The following CXorf66 variants were observed in gnomAD, a reference collection of about 807,000 sequenced individuals.
CXorf66 encodes the protein chromosome X open reading frame 66, also known as uncharacterized protein CXorf66.
A neutral mutation model predicts 5.0 loss-of-function variants in CXorf66; 6 were observed. The observed-to-expected ratio is 1.20, with a 90% CI of 0.65 to 2.36. The LOEUF (loss-of-function observed/expected upper bound fraction) is 2.36, where lower values mean the gene tolerates loss of function less well. Ranked by LOEUF, CXorf66 falls within the 30% of genes most tolerant of loss-of-function variation. The probability of loss-of-function intolerance (pLI) is 0.00; values close to 1 mark genes in which losing one functional copy is unlikely to be tolerated. For missense variants in CXorf66, 270 were observed against 254.9 expected (o/e 1.06, Z -0.40); for synonymous variants, 98 against 102.8 (o/e 0.95, Z 0.28).
intron 1 of CXorf66, 76 bp downstream of exon 1, chrX:139,965,333 C>T (rs752941856): frequency 1.5e-6 from 1 of 680,964 alleles, no homozygotes. Flanking sequence ...TTAAATACAG[C>T]TGGCGTTTCT....
In CXorf66 at chrX:139,958,083, C is replaced by A; in HGVS notation, c.223G>T (p.Asp75Tyr). ...ACTTACATTCCTGCTTTGGACGCAT[C>A]ATCGCTCAGACAATTATAATGGAGA... ...CYLHYNCLSD[D>Y]ASKAGMVKKK... Residue 75 changes from aspartate to tyrosine, a missense_variant, in exon 2 of 3, where the codon GAT becomes TAT. By Grantham distance (160) the Asp-to-Tyr change is radical. Transcript: ENST00000370540. 8.3e-7 allele frequency: 1 copy of A among 1,202,061 alleles called. No homozygotes were observed. Among genetic ancestry groups the A allele is most frequent in the South Asian group, 1.8e-5 (1 of 54,521 alleles).
intron 1 of CXorf66, among the ~76,000 whole-genome samples, chrX:139,960,398 GAACAA>G (rs2148218325): frequency 9.1e-6 from 1 of 109,920 alleles, no homozygotes; most frequent in East Asian, 2.9e-4. Flanking sequence ...AAAACAAAAT[GAACAA>G]AGCCTCCAAG....
intron 1 of CXorf66, among the ~76,000 whole-genome samples, chrX:139,964,307 A>G (rs1000297835): frequency 8.9e-5 from 10 of 112,241 alleles, no homozygotes; most frequent in African/African-American, 3.2e-4. Flanking sequence ...CAAACATATG[A>G]AAAAAAGCTC....
In CXorf66 at chrX:139,956,500, G is replaced by A. The variant is rs1389968579; in HGVS notation, c.482C>T (p.Pro161Leu). The change falls in exon 3 of 3, where the codon CCA becomes CTA. Residue 161 changes from proline (P) to leucine (L), a missense_variant. Transcript: ENST00000370540. ...SAGKLTRPSY[P>L]KRSSKSSCSK... ...GCATGATGACTTGGATGACCTTTTT[G>A]GATATGATGGCCTAGTTAACTTTCC... 1.7e-6 allele frequency: 2 copies of A among 1,211,521 alleles called. No homozygotes were observed. Among genetic ancestry groups the A allele is most frequent in the Admixed American group, 4.4e-5 (2 of 45,960 alleles).
chrX:139,965,363 T>C (rs762687853), intron 1 of CXorf66, 46 bp downstream of exon 1: 1 of 917,190 alleles, frequency 1.1e-6, no homozygotes, highest in Admixed American at 2.3e-5. Flanking sequence ...CTTTAATGTA[T>C]ACTGTAACAG....
chrX:139,962,157 A>G, intron 1 of CXorf66, among the ~76,000 whole-genome samples: 1 of 111,500 alleles, frequency 9.0e-6, no homozygotes, highest in East Asian at 2.8e-4. Context: ...AAACATTAAT[A>G]AAATATATAG....
chrX:139,958,299 C>T, intron 1 of CXorf66, 82 bp from the exon 2 acceptor site: 1 of 650,798 alleles, frequency 1.5e-6, no homozygotes, highest in Non-Finnish European at 2.3e-6. Flanking sequence ...TAGTGTAGAT[C>T]AAAATAACAT....
At chrX:139,961,022 C>T (rs1383269007) in intron 1 of CXorf66, among the ~76,000 whole-genome samples, 1 of 111,701 alleles carries the variant, frequency 9.0e-6, no homozygotes, top group Non-Finnish European at 1.9e-5. Flanking sequence ...ACTGCAACAA[C>T]TAATGTGCAA....
intron 2 of CXorf66, among the ~76,000 whole-genome samples, chrX:139,957,666 T>G (rs2085578976): frequency 9.0e-6 from 1 of 111,683 alleles, no homozygotes; most frequent in Non-Finnish European, 1.9e-5. Context: ...GCAACAACAG[T>G]GAATAATTTT....
At chrX:139,959,080 C>T (rs1422449046) in intron 1 of CXorf66, among the ~76,000 whole-genome samples, 1 of 111,632 alleles carries the variant, frequency 9.0e-6, no homozygotes, top group Non-Finnish European at 1.9e-5. Flanking sequence ...ATTCACTCTC[C>T]TGGAAAGGGG....
rs189426970 is a variant in CXorf66 at position 139,957,730 on chromosome X, G to A, written c.242+334C>T. ...TTATCCAAAATGTTTTATTGTCTTT[G>A]AAAAACAGAGACCCAATTCCCTCTC... On this transcript the variant is annotated intron_variant, in intron 2 of 2. Coordinates refer to ENST00000370540, the MANE Select transcript of CXorf66 (RefSeq NM_001013403.3). Among the ~76,000 whole-genome samples, 93 of 111,452 alleles carry A rather than the reference G, an allele frequency of 8.3e-4. 1 individual carries two copies. Among genetic ancestry groups the A allele is most frequent in the African/African-American group, 2.8e-3 (87 of 30,737 alleles).
chrX:139,955,756 T>A lies in CXorf66; in HGVS notation c.*140A>T. The A allele has an allele frequency of 2.1e-6, 1 of 470,121 alleles. No homozygotes were observed. Among genetic ancestry groups the A allele is most frequent in the Non-Finnish European group, 3.4e-6 (1 of 297,167 alleles). The allele number at this position is 470,121 out of a possible 1,213,427, so 38.7% of individuals were successfully genotyped here. On this transcript the variant is annotated 3_prime_UTR_variant, in exon 3 of 3. Transcript: ENST00000370540. ...ATGTCATGCATTTTATTGATATTTT[T>A]AAAATAAATCGCCTCCAAGACAGAT... is the stretch of plus-strand genomic sequence containing the variant.
rs145104139 is a variant in CXorf66 at position 139,958,008 on chromosome X, G to A, written c.242+56C>T. 6.9e-4 allele frequency: 733 copies of A among 1,060,753 alleles called. 2 individuals are homozygous for A. The African/African-American group carries it at 0.011, about 16-fold the overall frequency. 87.4% of individuals were successfully genotyped at this position (1,060,753 alleles called of 1,213,427 possible). A position where few individuals can be genotyped will look rare whatever the true frequency, so the allele number is the denominator to read the frequency against. On this transcript the variant is annotated intron_variant, in intron 2 of 2. Coordinates refer to ENST00000370540, the MANE Select transcript of CXorf66 (RefSeq NM_001013403.3). ...TAACCTGAACAACAATGAAACCTCCGCTATATGTACACACACACACACCTC... is the reference window on the plus strand; with the variant it reads ...TAACCTGAACAACAATGAAACCTCCACTATATGTACACACACACACACCTC...
intron 1 of CXorf66, among the ~76,000 whole-genome samples, chrX:139,961,900 T>A (rs2085594686): frequency 8.9e-6 from 1 of 111,909 alleles, no homozygotes; most frequent in Non-Finnish European, 1.9e-5. Context: ...CGTACCAGCA[T>A]CTCTGGGACA....
chrX:139,958,074 T>G lies in CXorf66; in HGVS notation c.232A>C (p.Lys78Gln). 8.3e-7 allele frequency: 1 copy of G among 1,200,291 alleles called. No individual in the cohort carries two copies. Among genetic ancestry groups the G allele is most frequent in the Non-Finnish European group, 1.1e-6 (1 of 891,315 alleles). The change falls in exon 2 of 3, where the codon AAA becomes CAA. Residue 78 changes from lysine to glutamine, a missense_variant. Transcript: ENST00000370540. ...AGGAGTAAAACTTACATTCCTGCTT[T>G]GGACGCATCATCGCTCAGACAATTA... ...HYNCLSDDAS[K>Q]AGMVKKKGIA...
In CXorf66 at chrX:139,955,967, C is replaced by T; in HGVS notation, c.1015G>A (p.Asp339Asn). The change falls in exon 3 of 3, where the codon GAT becomes AAT. Residue 339 changes from aspartate to asparagine, a missense_variant. Asp to Asn is a conservative substitution (Grantham distance 23, BLOSUM62 1). Transcript: ENST00000370540. The stretch of plus-strand genomic sequence containing the variant: ...TCACACGTAATGATTATAACTTTAT[C>T]ACTGTCAACCTCACTATAATATTTC... ...TMKYYSEVDS[D>N]KVIIITCDRG... 1.7e-6 allele frequency: 2 copies of T among 1,206,965 alleles called. No individual in the cohort carries two copies. Among genetic ancestry groups the T allele is most frequent in the Non-Finnish European group, 2.2e-6 (2 of 891,629 alleles).
At chrX:139,958,413 C>A (rs189831056) in intron 1 of CXorf66, among the ~76,000 whole-genome samples, 196 bp from the exon 2 acceptor site, 2 of 112,058 alleles carry the variant, frequency 1.8e-5, no homozygotes, top group Admixed American at 1.9e-4. Context: ...GCATCGCTGA[C>A]TAATCCATAC....
chrX:139,956,128 T>A lies in CXorf66; in HGVS notation c.854A>T (p.Asp285Val). The change falls in exon 3 of 3, where the codon GAT (aspartate) becomes GTT (valine). Residue 285 changes from aspartate to valine, a missense_variant. Asp to Val is a radical substitution (Grantham distance 152). Transcript: ENST00000370540. ...VAKTYRPLVNDISEAKEKNTQ... is the reference protein window; with the variant it reads ...VAKTYRPLVNVISEAKEKNTQ... The stretch of plus-strand genomic sequence containing the variant: ...GTTTTTCTCCTTTGCCTCAGAAATA[T>A]CATTGACCAAAGGCCTATAAGTTTT... 1.7e-6 allele frequency: 2 copies of A among 1,211,804 alleles called. No individual in the cohort carries two copies. Among genetic ancestry groups the A allele is most frequent in the Non-Finnish European group, 2.2e-6 (2 of 895,443 alleles).
chrX:139,963,468 G>A (rs62609113), intron 1 of CXorf66, among the ~76,000 whole-genome samples: 16,699 of 111,204 alleles, frequency 0.15, 1,232 homozygotes, highest in East Asian at 0.4. Context: ...AATCAATATC[G>A]TGAAAATGGC....
Sources: gnomAD v4.1 joint callset for allele counts (sites outside exome capture counted in the v4.1 genomes callset) on GRCh38, gnomAD v4.1.1 for gene constraint, MANE v1.5 for transcripts, NCBI Gene and HGNC (gene_info 2026-07-23, HGNC 2026-07-21) for gene names.